PHF3: variants seen among roughly 807,000 people sequenced by gnomAD.
The protein encoded by PHF3 is PHD finger protein 3.
A neutral mutation model predicts 178.4 loss-of-function variants in PHF3; 41 were observed. That is an observed-to-expected ratio of 0.23 (90% CI 0.18 to 0.30). The LOEUF is 0.30. Ranked by LOEUF, PHF3 falls within the 10% of genes least tolerant of loss-of-function variation. The pLI is 1.00. For synonymous variants in PHF3, 842 were observed against 800.5 expected, an observed-to-expected ratio of 1.05 and a Z score of -0.88; for missense variants, 2,346 against 2,398.1, an observed-to-expected ratio of 0.98 and a Z score of 0.45.
intron 6 of PHF3, among the ~76,000 whole-genome samples, chr6:63,696,788 A>G (rs1274436795): frequency 6.6e-6 from 1 of 152,120 alleles, no homozygotes; most frequent in Non-Finnish European, 1.5e-5. Flanking sequence ...TTAACACAAG[A>G]TTGTTAAGTC....
At chr6:63,662,239 C>T (rs1051345060) in intron 2 of PHF3, among the ~76,000 whole-genome samples, 1 of 152,126 alleles carries the variant, frequency 6.6e-6, no homozygotes, top group African/African-American at 2.4e-5. Flanking sequence ...CTGTAGAGGA[C>T]AGGGCCAAAA....
In PHF3 at chr6:63,685,793, C is replaced by A; in HGVS notation, c.2071C>A (p.Pro691Thr). The change falls in exon 4 of 16, where the codon CCA (proline) becomes ACA (threonine). Residue 691 changes from proline (P) to threonine (T), a missense_variant. Transcript: ENST00000262043. ...FSLDEPPLFI[P>T]DNIATIRREG... ...TTTAGATGAGCCACCATTGTTCATT[C>A]CAGATAACATAGCTACCATAAGAAG... 1 of 1,613,956 alleles carries A rather than the reference C, an allele frequency of 6.2e-7. No individual in the cohort carries two copies. Among genetic ancestry groups the A allele is most frequent in the Non-Finnish European group, 8.5e-7 (1 of 1,179,996 alleles).
intron 2 of PHF3, among the ~76,000 whole-genome samples, chr6:63,678,241 A>C (rs968906871): frequency 2.5e-4 from 38 of 151,788 alleles, no homozygotes; most frequent in Non-Finnish European, 4.1e-4. Context: ...AGAAAAAAAA[A>C]CAAAAAACAA....
chr6:63,654,266 A>T (rs978418124), intron 2 of PHF3, among the ~76,000 whole-genome samples: 9 of 152,178 alleles, frequency 5.9e-5, no homozygotes, highest in African/African-American at 2.2e-4. Context: ...TGGGAGACTT[A>T]TTATTACAGA....
chr6:63,658,705 ATT>A (rs1765338069), intron 2 of PHF3, among the ~76,000 whole-genome samples: 1 of 129,996 alleles, frequency 7.7e-6, no homozygotes, highest in South Asian at 2.8e-4. Context: ...GAACCAATAG[ATT>A]TTGTGTGTGT....
chr6:63,710,881 G>A (rs1582123787), intron 14 of PHF3, among the ~76,000 whole-genome samples: 1 of 152,136 alleles, frequency 6.6e-6, no homozygotes. Flanking sequence ...CTGACAAGTT[G>A]TATCTGTCAC....
At chr6:63,663,540 T>C (rs1219411974) in intron 2 of PHF3, among the ~76,000 whole-genome samples, 2 of 152,196 alleles carry the variant, frequency 1.3e-5, no homozygotes, top group Non-Finnish European at 2.9e-5. Context: ...AGAAACACTT[T>C]CTGTACTCCA....
chr6:63,702,315 T>C lies in PHF3; in HGVS notation c.3100-193T>C, dbSNP rs561625753. On this transcript the variant is annotated intron_variant, in intron 9 of 15. Transcript: ENST00000262043. ...GTTGAGGTACGGGGTCTAATTCTTATAACCGCAGTACTTAAAACTGTCTCT... is the reference window on the plus strand; with the variant it reads ...GTTGAGGTACGGGGTCTAATTCTTACAACCGCAGTACTTAAAACTGTCTCT... 7.2e-5 allele frequency: 23 copies of C among 319,982 alleles called. No homozygotes were observed. The South Asian group carries it at 1.4e-3, about 20-fold the overall frequency. 19.8% of individuals were successfully genotyped at this position (319,982 alleles called of 1,614,324 possible).
In PHF3 at chr6:63,723,706, A is replaced by G. The variant is rs993853644; in HGVS notation, c.*9998A>G. ...TGTGGCTATGGAAGCTAAAAGCTGT[A>G]TTAGCTTAAAAAATCATAGACTTTT... is the stretch of plus-strand genomic sequence containing the variant. On this transcript the variant is annotated 3_prime_UTR_variant, in exon 16 of 16. Transcript: ENST00000262043. 8.6e-5 allele frequency among the ~76,000 whole-genome samples: 13 copies of G among 151,960 alleles called. No individual in the cohort carries two copies. The highest frequency in any genetic ancestry group is 1.5e-4 in the Non-Finnish European group (10 of 67,974).
chr6:63,646,494 A>G, intron 1 of PHF3, 33 bp from the exon 2 acceptor site: 1 of 1,476,794 alleles, frequency 6.8e-7, no homozygotes. Flanking sequence ...TGATAGCTTT[A>G]TTTCTTATGG....
At position 63,721,220 on chromosome 6, in the gene PHF3, G is replaced by A; in HGVS notation, c.*7512G>A. On this transcript the variant is annotated 3_prime_UTR_variant, in exon 16 of 16. Coordinates refer to ENST00000262043, the MANE Select transcript of PHF3 (RefSeq NM_001370348.2). Reference sequence around the variant, plus strand: ...TTCCCACCCAACCCAAAGTACACAGGCAACTGTAAGAAAATGATTGGTCAG... The same window carrying A: ...TTCCCACCCAACCCAAAGTACACAGACAACTGTAAGAAAATGATTGGTCAG... The A allele has an allele frequency of 1.3e-6, 2 of 1,551,688 alleles. No homozygotes were observed. Among genetic ancestry groups the A allele is most frequent in the Non-Finnish European group, 1.7e-6 (2 of 1,146,936 alleles).
At chr6:63,678,251 A>G (rs1381150334) in intron 2 of PHF3, among the ~76,000 whole-genome samples, 3 of 151,882 alleles carry the variant, frequency 2.0e-5, no homozygotes, top group African/African-American at 7.2e-5. Context: ...ACAAAAAACA[A>G]CAAAAAACAA....
At position 63,706,802 on chromosome 6, in the gene PHF3, A is replaced by G; in HGVS notation, c.3637A>G (p.Ile1213Val). 2 of 1,614,036 alleles carry G rather than the reference A, an allele frequency of 1.2e-6. No homozygotes were observed. The highest frequency in any genetic ancestry group is 1.7e-6 in the Non-Finnish European group (2 of 1,179,934). The part of the protein sequence containing the change: ...ARLNFIWKGF[I>V]NMPSVAKFVT... The stretch of plus-strand genomic sequence containing the variant: ...ATTGAACTTCATCTGGAAAGGTTTT[A>G]TCAACATGCCTTCTGTGGCAAAATT... The change falls in exon 13 of 16, where the codon ATC becomes GTC. Residue 1213 changes from isoleucine (I) to valine (V), a missense_variant. Physicochemically the swap from Ile to Val is conservative, Grantham distance 29. This residue lies in a region of PHF3 where 205 missense variants were observed against 212.4 expected (regional missense o/e 0.97). Transcript: ENST00000262043.
At position 63,721,622 on chromosome 6, in the gene PHF3, A is replaced by G; in HGVS notation, c.*7914A>G. ...TTTTAGTGGAGGCCTTTTCTGTTAC[A>G]TTTATCCCATCTAGATCCAGGTAGC... is the stretch of plus-strand genomic sequence containing the variant. On this transcript the variant is annotated 3_prime_UTR_variant, in exon 16 of 16. Transcript: ENST00000262043. 1.9e-6 allele frequency: 3 copies of G among 1,551,238 alleles called. No homozygotes were observed. The highest frequency in any genetic ancestry group is 1.7e-6 in the Non-Finnish European group (2 of 1,146,568).
intron 2 of PHF3, chr6:63,679,781 C>G: frequency 3.4e-6 from 2 of 579,876 alleles, no homozygotes; most frequent in African/African-American, 1.8e-5. Context: ...AGCTAATACT[C>G]TCTTTGACTA....
chr6:63,721,551 G>C lies in PHF3; in HGVS notation c.*7843G>C, dbSNP rs1405969589. 2.6e-6 allele frequency: 4 copies of C among 1,551,684 alleles called. No individual in the cohort carries two copies. The South Asian group carries it at 4.8e-5, about 18-fold the overall frequency. ...CATGGGATTTACAAGATTTAAAGAA[G>C]ATACTCCTCCAATATAGAAGTCTGT... On this transcript the variant is annotated 3_prime_UTR_variant, in exon 16 of 16. Transcript: ENST00000262043.
Position 63,721,792 on chromosome 6 carries a change from A to G in PHF3, c.*8084A>G, listed in dbSNP as rs1279860809. ...CTATTTACTAAAGAGATGCATAAAA[A>G]ATCACCTGCAAGAAAGCAAACAGTA... On this transcript the variant is annotated 3_prime_UTR_variant, in exon 16 of 16. Coordinates refer to ENST00000262043, the MANE Select transcript of PHF3 (RefSeq NM_001370348.2). 1 of 1,540,070 alleles carries G rather than the reference A, an allele frequency of 6.5e-7. No homozygotes were observed. The highest frequency in any genetic ancestry group is 2.0e-5 in the Admixed American group (1 of 49,182).
At chr6:63,659,962 T>A (rs1765396330) in intron 2 of PHF3, among the ~76,000 whole-genome samples, 1 of 152,202 alleles carries the variant, frequency 6.6e-6, no homozygotes, top group Non-Finnish European at 1.5e-5. Context: ...TAAGTTCTGT[T>A]AAGATCAGTG....
At position 63,720,282 on chromosome 6, in the gene PHF3, C is replaced by T. The variant is rs1004843983; in HGVS notation, c.*6574C>T. 27 of 360,564 alleles carry T rather than the reference C, an allele frequency of 7.5e-5. No homozygotes were observed. The Admixed American group carries it at 1.1e-3, about 15-fold the overall frequency. 22.3% of individuals were successfully genotyped at this position (360,564 alleles called of 1,614,324 possible). On this transcript the variant is annotated 3_prime_UTR_variant, in exon 16 of 16. Transcript: ENST00000262043. The stretch of plus-strand genomic sequence containing the variant: ...ATTGATTTTTAAAATTGTGTTTACA[C>T]GTTGATTTTAAAATGTAAGCATTAG...
Sources: allele counts gnomAD v4.1 joint callset (sites outside exome capture counted in the v4.1 genomes callset), GRCh38; gene constraint gnomAD v4.1.1; regional missense constraint gnomAD v4.1.1; transcripts MANE v1.5; gene names NCBI Gene and HGNC (gene_info 2026-07-23, HGNC 2026-07-21).